The following GSE1 variants were observed in gnomAD, a reference collection of about 807,000 sequenced individuals.
The protein encoded by GSE1 is Gse1 coiled-coil protein, also known as genetic suppressor element 1.
Under a neutral mutation model 112.6 loss-of-function variants are expected in GSE1, and 32 were observed. The observed-to-expected ratio is 0.28, with a 90% CI of 0.21 to 0.38. GSE1 has a LOEUF of 0.38. Ranked by LOEUF, GSE1 falls within the 10% of genes least tolerant of loss-of-function variation. The probability of loss-of-function intolerance (pLI) is 1.00; values close to 1 mark genes in which losing one functional copy is unlikely to be tolerated. For missense variants in GSE1, 2,348 were observed against 1,699.2 expected (o/e 1.38, Z -6.71); for synonymous variants, 1,115 against 735.6 (o/e 1.52, Z -8.35).
At chr16:85,224,648 A>G (rs2075451652) in intron 1 of GSE1, among the ~76,000 whole-genome samples, 1 of 152,050 alleles carries the variant, frequency 6.6e-6, no homozygotes, top group African/African-American at 2.4e-5. Flanking sequence ...TCCCCTGCCG[A>G]GCTTACCTTC....
At chr16:85,403,804 A>C (rs1567739404) in intron 2 of GSE1, among the ~76,000 whole-genome samples, 1 of 152,012 alleles carries the variant, frequency 6.6e-6, no homozygotes, top group Non-Finnish European at 1.5e-5. Context: ...CCTGTCTCAA[A>C]ACAACAACAA....
chr16:85,429,994 C>T lies in GSE1; in HGVS notation c.2464+72351C>T, dbSNP rs781609187. ...GCATTCTGCGGGGGCTCGGTAAAAACGTGCAGTAAGCACAGGTCAGGGAAT... is the reference window on the plus strand; with the variant it reads ...GCATTCTGCGGGGGCTCGGTAAAAATGTGCAGTAAGCACAGGTCAGGGAAT... On this transcript the variant is annotated intron_variant, in intron 2 of 2. Transcript: ENST00000637419. Among the ~76,000 whole-genome samples the T allele has an allele frequency of 2.8e-4, 43 of 152,362 alleles. 1 individual carries two copies. The highest frequency in any genetic ancestry group is 4.6e-4 in the Admixed American group (7 of 15,306).
chr16:85,182,139 C>G (rs2074599802), intron 1 of GSE1, among the ~76,000 whole-genome samples: 1 of 152,202 alleles, frequency 6.6e-6, no homozygotes, highest in African/African-American at 2.4e-5. Context: ...GCGAGGGCTC[C>G]TGGGAAGCCC....
intron 1 of GSE1, among the ~76,000 whole-genome samples, chr16:85,182,570 G>C (rs915938650): frequency 2.0e-5 from 3 of 152,202 alleles, no homozygotes; most frequent in African/African-American, 7.2e-5. Context: ...GAGCGCCCAG[G>C]GGTGTGACTG....
intron 13 of GSE1, 97 bp from the exon 14 acceptor site, chr16:85,668,043 T>C (rs1392884448): frequency 4.3e-6 from 4 of 932,782 alleles, no homozygotes; most frequent in Admixed American, 2.4e-5. Flanking sequence ...TGCAGTCATG[T>C]TGACTCTGCA....
intron 1 of GSE1, among the ~76,000 whole-genome samples, chr16:85,239,793 TCTC>T (rs1460486001): frequency 3.9e-5 from 6 of 152,222 alleles, no homozygotes; most frequent in African/African-American, 1.4e-4. Context: ...AGAAATCTCT[TCTC>T]CATCTTGATC....
intron 3 of GSE1, among the ~76,000 whole-genome samples, chr16:85,652,112 G>A (rs911794595): frequency 1.3e-5 from 2 of 152,238 alleles, no homozygotes; most frequent in South Asian, 2.1e-4. Flanking sequence ...CTGCTGGTGC[G>A]TCCCCCACAT....
At chr16:85,268,791 G>A (rs980338689) in intron 1 of GSE1, among the ~76,000 whole-genome samples, 4 of 152,168 alleles carry the variant, frequency 2.6e-5, no homozygotes, top group Non-Finnish European at 4.4e-5. Context: ...AGCCTCCTGG[G>A]TAAGAACCTG....
chr16:85,426,077 AGATGGATGGGTGAATGAGAGGGAGGG>A (rs2048976007), intron 2 of GSE1, among the ~76,000 whole-genome samples: 9 of 18,942 alleles, frequency 4.8e-4, no homozygotes, highest in Admixed American at 3.9e-3. Context: ...ATGGATGGGT[AGATGGATGGGTGAATGAGAGGGAGGG>A]AGGAAGGAAG....
intron 2 of GSE1, among the ~76,000 whole-genome samples, chr16:85,383,175 A>G (rs1011400741): frequency 2.6e-5 from 4 of 151,828 alleles, no homozygotes; most frequent in Admixed American, 6.6e-5. Flanking sequence ...CTGGGTACAC[A>G]GTGCACATTT....
rs1268604511 is a variant in GSE1 at position 85,517,304 on chromosome 16, C to T, written c.2465-116610C>T. Reference sequence around the variant, plus strand: ...CGCAGGGGCCTAGGTTCTAGCACAGCCATGTGTCCTTGGTCCTGCTGCTTA... The same window carrying T: ...CGCAGGGGCCTAGGTTCTAGCACAGTCATGTGTCCTTGGTCCTGCTGCTTA... On this transcript the variant is annotated intron_variant, in intron 2 of 2. Coordinates refer to the GSE1 transcript ENST00000637419. Among the ~76,000 whole-genome samples, 8 of 152,152 alleles carry T rather than the reference C, an allele frequency of 5.3e-5. No homozygotes were observed. In the East Asian group the frequency reaches 1.3e-3, roughly 26 times the overall value.
At chr16:85,498,197 G>A (rs1478728855) in intron 2 of GSE1, among the ~76,000 whole-genome samples, 1 of 152,152 alleles carries the variant, frequency 6.6e-6, no homozygotes, top group Non-Finnish European at 1.5e-5. Context: ...CCTCTCCTGG[G>A]ATCCTCCCAG....
At chr16:85,396,852 T>A (rs2047977894) in intron 2 of GSE1, among the ~76,000 whole-genome samples, 2 of 151,598 alleles carry the variant, frequency 1.3e-5, no homozygotes, top group Non-Finnish European at 2.9e-5. Context: ...GAGATGGGGG[T>A]GCCCTCTCCA....
intron 2 of GSE1, among the ~76,000 whole-genome samples, chr16:85,486,268 C>G (rs1387480863): frequency 2.6e-5 from 4 of 151,724 alleles, no homozygotes; most frequent in Admixed American, 2.6e-4. Context: ...CTCCCTTATA[C>G]TCACAGGTGG....
intron 1 of GSE1, among the ~76,000 whole-genome samples, chr16:85,195,419 A>T (rs555791447): frequency 6.6e-6 from 1 of 152,252 alleles, no homozygotes; most frequent in Non-Finnish European, 1.5e-5. Flanking sequence ...GTCAAAGGAG[A>T]GTTGGAAGCA....
At chr16:85,435,125 C>T (rs1164231036) in intron 2 of GSE1, among the ~76,000 whole-genome samples, 7 of 151,962 alleles carry the variant, frequency 4.6e-5, no homozygotes, top group African/African-American at 1.5e-4. Context: ...CCCATAGCCC[C>T]GATTCCCTGT....
At chr16:85,255,692 C>G (rs1011528525) in intron 1 of GSE1, among the ~76,000 whole-genome samples, 13 of 151,928 alleles carry the variant, frequency 8.6e-5, no homozygotes, top group Admixed American at 8.5e-4. Flanking sequence ...CGTGAGCCAC[C>G]GCACCCGGCC....
intron 1 of GSE1, among the ~76,000 whole-genome samples, chr16:85,177,140 G>T (rs561420424): frequency 2.0e-5 from 3 of 152,240 alleles, no homozygotes; most frequent in Non-Finnish European, 4.4e-5. Flanking sequence ...AAGTGAAGGC[G>T]AAAGGTCTTC....
chr16:85,492,753 TCTGACAC>T (rs2051050872), intron 2 of GSE1, among the ~76,000 whole-genome samples: 2 of 103,368 alleles, frequency 1.9e-5, no homozygotes, highest in African/African-American at 8.5e-5. Flanking sequence ...CCTGGGGGAT[TCTGACAC>T]ATGACCTCAC....
Sources: allele counts gnomAD v4.1 joint callset (sites outside exome capture counted in the v4.1 genomes callset), GRCh38; gene constraint gnomAD v4.1.1; transcripts MANE v1.5; gene names NCBI Gene and HGNC (gene_info 2026-07-23, HGNC 2026-07-21).